APTX: variants seen among roughly 807,000 people sequenced by gnomAD.
APTX encodes the protein aprataxin.
Under a neutral mutation model 42.3 loss-of-function variants are expected in APTX, and 33 were observed. The observed-to-expected ratio is 0.78, with a 90% CI of 0.59 to 1.04. APTX has a LOEUF of 1.04. Ranked by LOEUF, APTX falls within the 50% of genes least tolerant of loss-of-function variation. The pLI is 0.00. For synonymous variants in APTX, 130 were observed against 146.7 expected (o/e 0.89, Z 0.82); for missense variants, 421 against 415.1 (o/e 1.01, Z -0.12).
chr9:33,024,050 G>T (rs1298760020), intron 1 of APTX, among the ~76,000 whole-genome samples: 1 of 152,196 alleles, frequency 6.6e-6, no homozygotes, highest in East Asian at 1.9e-4. Flanking sequence ...AATTCTCTCT[G>T]ATCTATCAGG....
upstream of APTX, among the ~76,000 whole-genome samples, chr9:33,004,527 A>G (rs1836982815): frequency 6.6e-6 from 1 of 152,070 alleles, no homozygotes; most frequent in African/African-American, 2.4e-5. Flanking sequence ...TCCATTTTTA[A>G]TATTTTGAGG....
At chr9:33,004,778 G>C (rs1269328269), upstream of APTX, among the ~76,000 whole-genome samples, 1 of 150,952 alleles carries the variant, frequency 6.6e-6, no homozygotes, top group African/African-American at 2.4e-5. Flanking sequence ...GACTACAGGT[G>C]CCTGCCACCA....
chr9:32,972,768 CA>C lies in APTX; in HGVS notation c.*729del, dbSNP rs1828357116. On this transcript the variant is annotated 3_prime_UTR_variant, in exon 8 of 8. Transcript: ENST00000379817. Reference sequence around the variant, plus strand: ...ACCTACTTAAGAGAGATGCCTCAAACAAATTAACTTTATTTTCAGACAACAG... The same window carrying C: ...ACCTACTTAAGAGAGATGCCTCAAACAATTAACTTTATTTTCAGACAACAG... 2.2e-6 allele frequency: 1 copy of C among 453,952 alleles called. No homozygotes were observed. Among genetic ancestry groups the C allele is most frequent in the Non-Finnish European group, 4.4e-6 (1 of 226,788 alleles). 28.1% of individuals were successfully genotyped at this position (453,952 alleles called of 1,614,324 possible).
chr9:32,998,374 A>G (rs1001482829), intron 1 of APTX, among the ~76,000 whole-genome samples: 5 of 152,212 alleles, frequency 3.3e-5, no homozygotes, highest in African/African-American at 4.8e-5. Context: ...TGGTGGTCAC[A>G]TAGGTATAAT....
At chr9:32,994,629 A>G (rs1834397075) in intron 1 of APTX, among the ~76,000 whole-genome samples, 1 of 152,220 alleles carries the variant, frequency 6.6e-6, no homozygotes, top group African/African-American at 2.4e-5. Context: ...TGCTCACTTC[A>G]GGTCTCTGTG....
intron 1 of APTX, chr9:33,019,887 C>T: frequency 1.7e-6 from 1 of 588,030 alleles, no homozygotes; most frequent in South Asian, 2.3e-5. Context: ...GCATCTGGAG[C>T]CAGGGACCCA....
At chr9:32,993,544 C>T (rs1834129836) in intron 1 of APTX, among the ~76,000 whole-genome samples, 1 of 152,154 alleles carries the variant, frequency 6.6e-6, no homozygotes, top group Non-Finnish European at 1.5e-5. Context: ...TTATCAAATG[C>T]TATTTACTCT....
rs574015678 is a variant in APTX at position 32,983,430 on chromosome 9, T to A, written c.770+1201A>T. On this transcript the variant is annotated intron_variant, in intron 6 of 7. Transcript: ENST00000379817. ...AGGATAGACATCTTCTGTATCTTAA[T>A]CAGAATGATAGTGAAAAGATTATAC... 5.9e-5 allele frequency among the ~76,000 whole-genome samples: 9 copies of A among 152,326 alleles called. No individual in the cohort carries two copies. In the South Asian group the frequency reaches 1.9e-3, roughly 32 times the overall value.
At chr9:33,015,566 C>A (rs1837839908) in intron 1 of APTX, among the ~76,000 whole-genome samples, 1 of 152,118 alleles carries the variant, frequency 6.6e-6, no homozygotes, top group South Asian at 2.1e-4. Context: ...ACCATGTTGG[C>A]CAGGCTGGCC....
At chr9:32,993,908 G>A (rs1045930219) in intron 1 of APTX, among the ~76,000 whole-genome samples, 2 of 151,944 alleles carry the variant, frequency 1.3e-5, no homozygotes, top group Admixed American at 6.6e-5. Flanking sequence ...TAATAGAGAC[G>A]GGGTTTCACC....
upstream of APTX, among the ~76,000 whole-genome samples, chr9:33,001,829 A>C (rs951847947): frequency 6.6e-6 from 1 of 152,146 alleles, no homozygotes; most frequent in Non-Finnish European, 1.5e-5. Context: ...TCTCTGCCTG[A>C]GGGCCACTCG....
At chr9:33,021,960 TAA>T (rs771015871) in intron 1 of APTX, among the ~76,000 whole-genome samples, 55 of 126,324 alleles carry the variant, frequency 4.4e-4, no homozygotes, top group Non-Finnish European at 5.5e-4. Context: ...GCTGTTAATT[TAA>T]AAAAAAAAAA....
At chr9:32,993,409 TA>T (rs1414428424) in intron 1 of APTX, among the ~76,000 whole-genome samples, 1 of 152,214 alleles carries the variant, frequency 6.6e-6, no homozygotes, top group Non-Finnish European at 1.5e-5. Flanking sequence ...GTCCCTCCAG[TA>T]AAACTCCATA....
chr9:33,016,445 A>G (rs1837905508), intron 1 of APTX, among the ~76,000 whole-genome samples: 1 of 152,194 alleles, frequency 6.6e-6, no homozygotes, highest in South Asian at 2.1e-4. Flanking sequence ...ACAGCAATAA[A>G]CATGTTTACT....
chr9:32,985,834 G>A, intron 5 of APTX, 137 bp downstream of exon 5: 1 of 844,316 alleles, frequency 1.2e-6, no homozygotes, highest in East Asian at 2.4e-5. Flanking sequence ...AAAGCCTCTT[G>A]TTCTCACAGA....
chr9:32,995,014 A>AG (rs1834487723), intron 1 of APTX, among the ~76,000 whole-genome samples: 1 of 152,242 alleles, frequency 6.6e-6, no homozygotes, highest in South Asian at 2.1e-4. Flanking sequence ...CATAAAAAAA[A>AG]GATTCCTTTC....
Position 32,996,033 on chromosome 9 carries a change from T to C in APTX, c.-5+5534A>G, listed in dbSNP as rs561987921. On this transcript the variant is annotated intron_variant, in intron 1 of 7. Transcript: ENST00000379817. ...ACTCACTGAAGGCTCAGGTGACTAT[T>C]AGCAATTTTTAGCAAAGTACTTTTA... Among the ~76,000 whole-genome samples the C allele has an allele frequency of 3.0e-4, 46 of 152,226 alleles. No homozygotes were observed. In the South Asian group the frequency reaches 7.5e-3, roughly 25 times the overall value.
intron 1 of APTX, among the ~76,000 whole-genome samples, chr9:33,019,411 T>C (rs955849613): frequency 6.6e-6 from 1 of 152,174 alleles, no homozygotes. Context: ...TTAAATTAAT[T>C]TATACAAACA....
At chr9:32,989,544 C>T in intron 2 of APTX, 1 of 729,488 alleles carries the variant, frequency 1.4e-6, no homozygotes, top group Non-Finnish European at 2.4e-6. Context: ...CTTGACTGCT[C>T]CCAACCTTCA....
Sources: allele counts gnomAD v4.1 joint callset (sites outside exome capture counted in the v4.1 genomes callset), GRCh38; gene constraint gnomAD v4.1.1; transcripts MANE v1.5; gene names NCBI Gene and HGNC (gene_info 2026-07-23, HGNC 2026-07-21).